NCOR2: variants seen among roughly 807,000 people sequenced by gnomAD.
NCOR2 encodes CTG repeat protein 26.
NCOR2 carries 81 observed loss-of-function variants against 262.9 expected under a neutral mutation model. The ratio of observed to expected loss-of-function variants is 0.31; its 90% CI spans 0.26 to 0.37. The LOEUF is 0.37. Ranked by LOEUF, NCOR2 falls within the 10% of genes least tolerant of loss-of-function variation. NCOR2 has a pLI of 1.00. For synonymous variants in NCOR2, 1,659 were observed against 1,559.3 expected, an observed-to-expected ratio of 1.06 and a Z score of -1.51; for missense variants, 3,385 against 3,621.4, an observed-to-expected ratio of 0.93 and a Z score of 1.68.
chr12:124,355,676 G>A, intron 23 of NCOR2, 105 bp from the exon 26 acceptor site: 1 of 1,424,158 alleles, frequency 7.0e-7, no homozygotes, highest in Non-Finnish European at 9.2e-7. Context: ...TGGCCAGGAA[G>A]TGCCCATCCA....
At chr12:124,558,804 GC>G (rs1187127509) in intron 1 of NCOR2, among the ~76,000 whole-genome samples, 2 of 152,102 alleles carry the variant, frequency 1.3e-5, no homozygotes, top group Non-Finnish European at 2.9e-5. Flanking sequence ...ACCCCAACGG[GC>G]CCCTGAATGC....
chr12:124,441,152 C>T (rs1405954561), intron 7 of NCOR2, among the ~76,000 whole-genome samples: 1 of 152,224 alleles, frequency 6.6e-6, no homozygotes, highest in Non-Finnish European at 1.5e-5. Flanking sequence ...TCAGCAAAGA[C>T]CATCCTCCAA....
chr12:124,559,107 G>T (rs1225616586), intron 1 of NCOR2, among the ~76,000 whole-genome samples: 2 of 152,166 alleles, frequency 1.3e-5, no homozygotes, highest in Non-Finnish European at 2.9e-5. Flanking sequence ...GGCCAGTGGT[G>T]ACTGGTCACC....
At position 124,429,726 on chromosome 12, in the gene NCOR2, A is replaced by G. The variant is rs1237712336; in HGVS notation, c.1056-20T>C. 3.8e-6 allele frequency: 6 copies of G among 1,582,828 alleles called. No homozygotes were observed. Among genetic ancestry groups the G allele is most frequent in the Non-Finnish European group, 5.2e-6 (6 of 1,164,202 alleles). ...ACCCTGCTGGGGACCAAGGGGACAC[A>G]CTCAGGACCGGTCTTCTGGTGGTCG... On this transcript the variant is annotated intron_variant, in intron 9 of 46. Transcript: ENST00000405201.
chr12:124,338,378 C>A (rs1191450961), intron 37 of NCOR2, among the ~76,000 whole-genome samples: 1 of 151,954 alleles, frequency 6.6e-6, no homozygotes, highest in African/African-American at 2.4e-5. Flanking sequence ...TGTGGTTGCA[C>A]GTGCCTGTAA....
At position 124,325,345 on chromosome 12, in the gene NCOR2, G is replaced by T. The variant is rs1308370822; in HGVS notation, c.*57C>A. 3 of 1,115,660 alleles carry T rather than the reference G, an allele frequency of 2.7e-6. No individual in the cohort carries two copies. In the African/African-American group the frequency reaches 5.2e-5, roughly 19 times the overall value. The allele number at this position is 1,115,660 out of a possible 1,614,324, so 69.1% of individuals were successfully genotyped here. ...TCGGCAGCCGCCCTGCTCCTGCAGG[G>T]CCGTTCCTGTGGCTCGCTGGGACCT... On this transcript the variant is annotated 3_prime_UTR_variant, in exon 47 of 47. Coordinates refer to ENST00000405201, the Ensembl canonical transcript of NCOR2.
rs575622579 is a variant in NCOR2, at chr12:124,350,629, C to T, written c.3802G>A (p.Val1268Ile). 21 of 1,613,976 alleles carry T rather than the reference C, an allele frequency of 1.3e-5. No homozygotes were observed. The Admixed American group carries it at 2.3e-4, about 18-fold the overall frequency. The change falls in exon 28 of 47, where the codon GTC (valine) becomes ATC (isoleucine). Residue 1268 changes from valine (V) to isoleucine (I), a missense_variant. By Grantham distance (29) the Val-to-Ile change is conservative. This residue lies in a region of NCOR2 where 1,615 missense variants were observed against 1,626.9 expected (regional missense o/e 0.99). Transcript: ENST00000405201. ...TGGCCCTTCTTGCCTTCGTAGATGA[C>T]GTGGCCCTTGGGCAGGCTGTCCTCC... is the stretch of plus-strand genomic sequence containing the variant.
chr12:124,546,266 G>A (rs1441143275), intron 1 of NCOR2, among the ~76,000 whole-genome samples: 1 of 152,230 alleles, frequency 6.6e-6, no homozygotes, highest in African/African-American at 2.4e-5. Context: ...CCTACAGTAA[G>A]AGTGAATGCC....
At chr12:124,476,995 T>A (rs1184829759) in intron 3 of NCOR2, among the ~76,000 whole-genome samples, 1 of 148,076 alleles carries the variant, frequency 6.8e-6, no homozygotes, top group Non-Finnish European at 1.5e-5. Flanking sequence ...TGGACAGACA[T>A]AAAAGGCTGC....
intron 13 of NCOR2, among the ~76,000 whole-genome samples, chr12:124,415,274 C>T (rs143421961): frequency 6.6e-6 from 1 of 152,248 alleles, no homozygotes; most frequent in Non-Finnish European, 1.5e-5. Flanking sequence ...TGGGCCCACC[C>T]CAGGCCTGCT....
chr12:124,479,250 A>G (rs986624736), intron 3 of NCOR2, among the ~76,000 whole-genome samples: 2 of 152,036 alleles, frequency 1.3e-5, no homozygotes, highest in African/African-American at 2.4e-5. Context: ...ATGCACACAC[A>G]CGCACACACA....
intron 1 of NCOR2, among the ~76,000 whole-genome samples, chr12:124,488,980 G>T (rs1009251650): frequency 1.3e-5 from 2 of 151,852 alleles, no homozygotes; most frequent in African/African-American, 4.8e-5. Context: ...AAATCTGTGG[G>T]CATTTTGTTA....
At chr12:124,509,245 G>GGGGC (rs1555234156) in intron 1 of NCOR2, among the ~76,000 whole-genome samples, 2 of 144,566 alleles carry the variant, frequency 1.4e-5, no homozygotes, top group African/African-American at 2.9e-5. Flanking sequence ...TGGGGGGGGG[G>GGGGC]GGGGCTTAAC....
At chr12:124,433,252 G>A (rs1371830793) in intron 8 of NCOR2, among the ~76,000 whole-genome samples, 1 of 152,232 alleles carries the variant, frequency 6.6e-6, no homozygotes, top group Non-Finnish European at 1.5e-5. Flanking sequence ...CGTGCTCGGG[G>A]CAGTGGCTGC....
At chr12:124,492,814 T>G (rs2048165463) in intron 1 of NCOR2, among the ~76,000 whole-genome samples, 1 of 152,188 alleles carries the variant, frequency 6.6e-6, no homozygotes, top group Non-Finnish European at 1.5e-5. Context: ...GGCTCCACCC[T>G]GCAATATGCC....
chr12:124,437,110 C>T (rs1702323), intron 8 of NCOR2, among the ~76,000 whole-genome samples: 145,047 of 152,140 alleles, frequency 0.95, 69,219 homozygotes, highest in East Asian at 0.99. Context: ...AATAAATAAA[C>T]AAATAAAATG....
At chr12:124,492,377 T>C (rs1593805256) in intron 1 of NCOR2, among the ~76,000 whole-genome samples, 1 of 151,874 alleles carries the variant, frequency 6.6e-6, no homozygotes, top group African/African-American at 2.4e-5. Flanking sequence ...ACGGAGAGGG[T>C]TCGAAGCCAC....
chr12:124,377,328 G>A (rs1230559143), intron 18 of NCOR2, among the ~76,000 whole-genome samples: 3 of 152,156 alleles, frequency 2.0e-5, no homozygotes, highest in Non-Finnish European at 4.4e-5. Flanking sequence ...GTGGTACCTG[G>A]GGCGCCTGGG....
intron 18 of NCOR2, among the ~76,000 whole-genome samples, chr12:124,377,458 A>G (rs567941873): frequency 6.6e-6 from 1 of 152,350 alleles, no homozygotes; most frequent in South Asian, 2.1e-4. Context: ...GAGACACTGA[A>G]AATAACTATA....
Sources: gnomAD v4.1 joint callset for allele counts (sites outside exome capture counted in the v4.1 genomes callset) on GRCh38, gnomAD v4.1.1 for gene constraint, gnomAD v4.1.1 regional missense constraint, MANE v1.5 for transcripts, NCBI Gene and HGNC (gene_info 2026-07-23, HGNC 2026-07-21) for gene names.